LAMA3: variants seen among roughly 807,000 people sequenced by gnomAD.
LAMA3 encodes laminin subunit alpha-3.
Under a neutral mutation model 402.0 loss-of-function variants are expected in LAMA3, and 281 were observed. The observed-to-expected ratio is 0.70, with a 90% CI of 0.63 to 0.77. The LOEUF (loss-of-function observed/expected upper bound fraction) is 0.77. LAMA3 is among the 30% of genes least tolerant of loss of function. The pLI, the probability that LAMA3 is intolerant of heterozygous loss-of-function variation, is 0.00. For synonymous variants in LAMA3, 1,431 were observed against 1,558.4 expected (o/e 0.92, Z 1.93); for missense variants, 3,840 against 4,215.5 (o/e 0.91, Z 2.47).
At chr18:23,893,755 T>A (rs1477930258) in intron 42 of LAMA3, among the ~76,000 whole-genome samples, 1 of 152,138 alleles carries the variant, frequency 6.6e-6, no homozygotes, top group Admixed American at 6.5e-5. Context: ...GCAGCAGGGA[T>A]TTTGTCTTGA....
intron 1 of LAMA3, among the ~76,000 whole-genome samples, chr18:23,712,109 G>A (rs1334939857): frequency 1.3e-5 from 2 of 152,110 alleles, no homozygotes; most frequent in Admixed American, 6.6e-5. Flanking sequence ...AGCTGGGTGC[G>A]GTGGCTAATG....
Position 23,814,515 on chromosome 18 carries a change from T to C in LAMA3, c.1888+13T>C, listed in dbSNP as rs2063138822. On this transcript the variant is annotated intron_variant, in intron 15 of 74. Coordinates refer to ENST00000313654, the MANE Select transcript of LAMA3 (RefSeq NM_198129.4). ...AGTGGATGTTCAGGTAGGTTTCTTA[T>C]ATGTCATAATTTACTATATTATAAT... The C allele has an allele frequency of 2.0e-6, 3 of 1,507,488 alleles. No homozygotes were observed. Among genetic ancestry groups the C allele is most frequent in the Non-Finnish European group, 2.8e-6 (3 of 1,083,086 alleles). The allele number at this position is 1,507,488 out of a possible 1,614,324, so 93.4% of individuals were successfully genotyped here.
At chr18:23,928,389 T>C in intron 63 of LAMA3, 149 bp downstream of exon 63, 1 of 750,582 alleles carries the variant, frequency 1.3e-6, no homozygotes, top group South Asian at 1.5e-5. Flanking sequence ...GCTTGCAAGA[T>C]GCTGAACCTT....
At chr18:23,763,653 G>C in intron 8 of LAMA3, 130 bp downstream of exon 8, 1 of 755,216 alleles carries the variant, frequency 1.3e-6, no homozygotes, top group Non-Finnish European at 2.5e-6. Context: ...TTTCTCCACT[G>C]TTGCTCACAC....
At chr18:23,865,900 A>G (rs1043944910) in intron 36 of LAMA3, among the ~76,000 whole-genome samples, 1 of 152,140 alleles carries the variant, frequency 6.6e-6, no homozygotes, top group African/African-American at 2.4e-5. Flanking sequence ...GTTTGATGCT[A>G]TAACAGGATT....
intron 23 of LAMA3, among the ~76,000 whole-genome samples, chr18:23,831,506 A>G (rs755063400): frequency 2.4e-4 from 36 of 151,498 alleles, no homozygotes; most frequent in Non-Finnish European, 4.7e-4. Flanking sequence ...TCCACACTCA[A>G]CTAAGTTGCT....
intron 19 of LAMA3, 38 bp from the exon 20 acceptor site, chr18:23,822,214 T>A: frequency 6.2e-7 from 1 of 1,610,056 alleles, no homozygotes; most frequent in Non-Finnish European, 8.5e-7. Context: ...CTTTTAACCA[T>A]TTTTTTCTAT....
chr18:23,690,466 G>T (rs2060562110), intron 1 of LAMA3, among the ~76,000 whole-genome samples: 1 of 152,198 alleles, frequency 6.6e-6, no homozygotes, highest in African/African-American at 2.4e-5. Context: ...TTACTGAAAA[G>T]ATTCACTTCA....
At chr18:23,695,196 G>A (rs1031489315) in intron 1 of LAMA3, among the ~76,000 whole-genome samples, 2 of 152,166 alleles carry the variant, frequency 1.3e-5, no homozygotes, top group Admixed American at 6.5e-5. Flanking sequence ...CTGACACCTT[G>A]ATTTTGGTCT....
intron 50 of LAMA3, 25 bp from the exon 51 acceptor site, chr18:23,904,528 G>C (rs1283956896): frequency 1.9e-6 from 3 of 1,574,104 alleles, no homozygotes; most frequent in South Asian, 2.3e-5. Flanking sequence ...GCTGTGGGGA[G>C]TGGCTAACCT....
chr18:23,890,135 C>A lies in LAMA3; in HGVS notation c.5410+18C>A. On this transcript the variant is annotated intron_variant, in intron 42 of 74. Transcript: ENST00000313654. ...GACTGGAGGTAAGGCCGACCCACACCCCTGCTAACTTGCATTTATAAAGCT... is the reference window on the plus strand; with the variant it reads ...GACTGGAGGTAAGGCCGACCCACACACCTGCTAACTTGCATTTATAAAGCT... The A allele has an allele frequency of 1.3e-6, 2 of 1,507,566 alleles. No individual in the cohort carries two copies. Among genetic ancestry groups the A allele is most frequent in the South Asian group, 1.1e-5 (1 of 89,114 alleles). The allele number at this position is 1,507,566 out of a possible 1,614,324, so 93.4% of individuals were successfully genotyped here.
At chr18:23,726,907 C>T (rs931745425) in intron 2 of LAMA3, among the ~76,000 whole-genome samples, 10 of 152,054 alleles carry the variant, frequency 6.6e-5, no homozygotes, top group Non-Finnish European at 1.0e-4. Flanking sequence ...AGTGAGCTAC[C>T]GTGCCCGGCC....
At chr18:23,917,487 G>A (rs2081673911) in intron 60 of LAMA3, among the ~76,000 whole-genome samples, 1 of 152,158 alleles carries the variant, frequency 6.6e-6, no homozygotes, top group Non-Finnish European at 1.5e-5. Flanking sequence ...CGCCAGCAGT[G>A]TACAATCATT....
At chr18:23,861,857 G>A in intron 35 of LAMA3, 50 bp downstream of exon 35, 3 of 1,539,528 alleles carry the variant, frequency 1.9e-6, no homozygotes, top group Non-Finnish European at 2.7e-6. Context: ...CTCTGCTATT[G>A]CTGCATGAGC....
At chr18:23,802,467 C>T (rs778156854) in intron 12 of LAMA3, among the ~76,000 whole-genome samples, 11 of 152,174 alleles carry the variant, frequency 7.2e-5, no homozygotes, top group Non-Finnish European at 1.3e-4. Flanking sequence ...CTAAGAGACA[C>T]CTTAAGTCAT....
intron 5 of LAMA3, among the ~76,000 whole-genome samples, chr18:23,751,414 T>A (rs1298303508): frequency 6.6e-6 from 1 of 152,212 alleles, no homozygotes; most frequent in Non-Finnish European, 1.5e-5. Flanking sequence ...CTTTGTTTCT[T>A]GCTCCTATTA....
At chr18:23,824,682 G>C in intron 21 of LAMA3, 117 bp downstream of exon 21, 2 of 1,193,132 alleles carry the variant, frequency 1.7e-6, no homozygotes, top group Non-Finnish European at 2.5e-6. Context: ...GGTGGTTTTA[G>C]ACACAGGAAC....
intron 70 of LAMA3, among the ~76,000 whole-genome samples, chr18:23,947,307 C>T (rs555021829): frequency 3.9e-5 from 6 of 152,270 alleles, no homozygotes; most frequent in East Asian, 3.9e-4. Flanking sequence ...CCCCCCACCC[C>T]ACAAAGTTAA....
chr18:23,834,258 T>A, intron 24 of LAMA3: 1 of 438,394 alleles, frequency 2.3e-6, no homozygotes, highest in Non-Finnish European at 4.3e-6. Context: ...CAGCACAACC[T>A]TTTTATTTGA....
Sources: gnomAD v4.1 joint callset for allele counts (sites outside exome capture counted in the v4.1 genomes callset) on GRCh38, gnomAD v4.1.1 for gene constraint, MANE v1.5 for transcripts, NCBI Gene and HGNC (gene_info 2026-07-23, HGNC 2026-07-21) for gene names.